The following SMAD2 variants were observed in gnomAD, a reference collection of about 807,000 sequenced individuals.
The protein encoded by SMAD2 is MAD homolog 2.
In SMAD2, 8 loss-of-function variants were observed where a neutral mutation model predicts 64.4. The ratio of observed to expected loss-of-function variants is 0.12; its 90% CI spans 0.07 to 0.22. The LOEUF (loss-of-function observed/expected upper bound fraction) is 0.22, where lower values mean the gene tolerates loss of function less well. Ranked by LOEUF, SMAD2 falls within the 10% of genes least tolerant of loss-of-function variation. The pLI, the probability that SMAD2 is intolerant of heterozygous loss-of-function variation, is 1.00. For missense variants in SMAD2, 289 were observed against 561.2 expected (o/e 0.51, Z 4.90); for synonymous variants, 203 against 195.8 (o/e 1.04, Z -0.31).
chr18:47,886,033 T>C (rs2144435200), intron 2 of SMAD2, among the ~76,000 whole-genome samples: 1 of 152,334 alleles, frequency 6.6e-6, no homozygotes, highest in South Asian at 2.1e-4. Context: ...TGCCATTTTA[T>C]ATAAGAGACT....
chr18:47,923,106 T>C (rs1048106937), intron 1 of SMAD2, among the ~76,000 whole-genome samples: 2 of 151,804 alleles, frequency 1.3e-5, no homozygotes, highest in African/African-American at 4.8e-5. Flanking sequence ...TAATGAGTTT[T>C]GTGGAATCCA....
intron 2 of SMAD2, among the ~76,000 whole-genome samples, chr18:47,876,672 A>G (rs2032281298): frequency 6.6e-6 from 1 of 152,074 alleles, no homozygotes; most frequent in African/African-American, 2.4e-5. Context: ...ATCCTTATCA[A>G]ATTTCCCTAG....
chr18:47,844,023 A>G (rs1914233156), intron 10 of SMAD2, among the ~76,000 whole-genome samples: 1 of 152,188 alleles, frequency 6.6e-6, no homozygotes. Flanking sequence ...TAATTTTGCT[A>G]TCAACTCAGG....
rs564461703 is a variant in SMAD2, at chr18:47,831,918, A to C, written c.*9909T>G. The C allele has an allele frequency of 1.1e-5, 1 of 93,990 alleles. No homozygotes were observed. The allele number at this position is 93,990 out of a possible 1,614,324, so 5.8% of individuals were successfully genotyped here. A position where few individuals can be genotyped will look rare whatever the true frequency, so the allele number is the denominator to read the frequency against. On this transcript the variant is annotated 3_prime_UTR_variant, in exon 11 of 11. Coordinates refer to ENST00000262160, the MANE Select transcript of SMAD2 (RefSeq NM_005901.6). ...AACTTATAATTTTTAGGTTGGGCTTACTATTTTGATGAGAAGGGTGAATCT... is the reference window on the plus strand; with the variant it reads ...AACTTATAATTTTTAGGTTGGGCTTCCTATTTTGATGAGAAGGGTGAATCT...
chr18:47,920,009 A>G (rs906793146), intron 1 of SMAD2: 3 of 152,242 alleles, frequency 2.0e-5, no homozygotes, highest in African/African-American at 7.2e-5. Context: ...TAGTCAGTTC[A>G]GGACGGTATA....
chr18:47,831,850 T>A lies in SMAD2; in HGVS notation c.*9977A>T, dbSNP rs984456185. ...TTATTGCAGCAAAAGATAATTTTTA[T>A]GTGTAAATTAGCTTTTTGGGTTTTT... is the stretch of plus-strand genomic sequence containing the variant. On this transcript the variant is annotated 3_prime_UTR_variant, in exon 11 of 11. Transcript: ENST00000262160. 1.3e-5 allele frequency: 2 copies of A among 152,242 alleles called. No homozygotes were observed. The allele number at this position is 152,242 out of a possible 1,614,324, so 9.4% of individuals were successfully genotyped here. A position where few individuals can be genotyped will look rare whatever the true frequency, so the allele number is the denominator to read the frequency against.
At chr18:47,904,748 T>C (rs767795108) in intron 1 of SMAD2, among the ~76,000 whole-genome samples, 4 of 152,206 alleles carry the variant, frequency 2.6e-5, no homozygotes, top group Admixed American at 6.5e-5. Flanking sequence ...ACCTCATTTA[T>C]AGTACAAAGG....
chr18:47,908,867 T>G (rs1049317702), intron 1 of SMAD2, among the ~76,000 whole-genome samples: 5 of 152,210 alleles, frequency 3.3e-5, no homozygotes, highest in African/African-American at 1.2e-4. Context: ...CCATGTGTAG[T>G]GCAATACCAT....
intron 6 of SMAD2, among the ~76,000 whole-genome samples, chr18:47,855,745 C>G (rs4357332): frequency 0.25 from 38,414 of 151,946 alleles, 5,983 homozygotes; most frequent in East Asian, 0.35. Flanking sequence ...CCTTGGCCTC[C>G]TGAGTAGCTG....
Position 47,820,829 on chromosome 18 carries a change from C to T in SMAD2, c.*20998G>A, listed in dbSNP as rs1912544059. ...GTACATATGTATATGTACAATAATACAGTATATTCTATACATATGCTATAT... is the reference window on the plus strand; with the variant it reads ...GTACATATGTATATGTACAATAATATAGTATATTCTATACATATGCTATAT... On this transcript the variant is annotated 3_prime_UTR_variant, in exon 11 of 11. Coordinates refer to ENST00000262160, the MANE Select transcript of SMAD2 (RefSeq NM_005901.6). 1 of 151,268 alleles carries T rather than the reference C, an allele frequency of 6.6e-6. No homozygotes were observed. The highest frequency in any genetic ancestry group is 1.5e-5 in the Non-Finnish European group (1 of 67,904). 9.4% of individuals were successfully genotyped at this position (151,268 alleles called of 1,614,324 possible).
rs1912205792 is a variant in SMAD2 at position 47,811,531 on chromosome 18, C to T, written c.*30296G>A. The stretch of plus-strand genomic sequence containing the variant: ...AATTCTGAAATCCACAGCAATGCTT[C>T]AGTGCTCCTAAGGGGCCGCTTTACT... On this transcript the variant is annotated 3_prime_UTR_variant, in exon 11 of 11. Transcript: ENST00000262160. 6.6e-6 allele frequency: 1 copy of T among 151,286 alleles called. No individual in the cohort carries two copies. The highest frequency in any genetic ancestry group is 1.5e-5 in the Non-Finnish European group (1 of 67,868). 9.4% of individuals were successfully genotyped at this position (151,286 alleles called of 1,614,324 possible).
In SMAD2 at chr18:47,815,616, C is replaced by T. The variant is rs942413977; in HGVS notation, c.*26211G>A. 22 of 152,182 alleles carry T rather than the reference C, an allele frequency of 1.4e-4. No individual in the cohort carries two copies. The highest frequency in any genetic ancestry group is 5.1e-4 in the African/African-American group (21 of 41,438). 9.4% of individuals were successfully genotyped at this position (152,182 alleles called of 1,614,324 possible). ...GTACAAAAACTGGCCTTGAATAAGACATCACTTCCTCCAAGTCTGAGTACA... is the reference window on the plus strand; with the variant it reads ...GTACAAAAACTGGCCTTGAATAAGATATCACTTCCTCCAAGTCTGAGTACA... On this transcript the variant is annotated 3_prime_UTR_variant, in exon 11 of 11. Transcript: ENST00000262160.
chr18:47,930,589 G>C lies in SMAD2; in HGVS notation c.-282C>G, dbSNP rs999572329. The C allele has an allele frequency of 4.0e-5, 6 of 150,068 alleles. No individual in the cohort carries two copies. Among genetic ancestry groups the C allele is most frequent in the Non-Finnish European group, 5.9e-5 (4 of 67,276 alleles). The allele number at this position is 150,068 out of a possible 1,614,324, so 9.3% of individuals were successfully genotyped here. On this transcript the variant is annotated 5_prime_UTR_variant, in exon 1 of 11. Transcript: ENST00000262160. ...GTAGGGGAAGAGAGGGGAGGGGAGG[G>C]GAGGAGAGGGAAGGGGAGGGGAGGG...
chr18:47,885,176 CACACACAT>C (rs1225095339), intron 2 of SMAD2, among the ~76,000 whole-genome samples: 13 of 141,774 alleles, frequency 9.2e-5, no homozygotes, highest in East Asian at 4.8e-4. Flanking sequence ...CACACACACA[CACACACAT>C]ATACCCTCCC....
At chr18:47,880,527 C>G (rs2144414837) in intron 2 of SMAD2, among the ~76,000 whole-genome samples, 1 of 152,310 alleles carries the variant, frequency 6.6e-6, no homozygotes, top group East Asian at 1.9e-4. Flanking sequence ...CAAGGTGAGT[C>G]TTGAAGTCAG....
intron 1 of SMAD2, among the ~76,000 whole-genome samples, chr18:47,905,459 A>C (rs1352458686): frequency 2.7e-5 from 4 of 146,242 alleles, no homozygotes; most frequent in African/African-American, 1.0e-4. Context: ...ATATGGAAAC[A>C]AAAAAAAAAA....
chr18:47,823,736 T>G lies in SMAD2; in HGVS notation c.*18091A>C, dbSNP rs537482740. 1 of 152,344 alleles carries G rather than the reference T, an allele frequency of 6.6e-6. No individual in the cohort carries two copies. The highest frequency in any genetic ancestry group is 2.4e-5 in the African/African-American group (1 of 41,578). 9.4% of individuals were successfully genotyped at this position (152,344 alleles called of 1,614,324 possible). ...AGAATTGTATTACAATTTGATTTAT[T>G]CAATTGGTTGCCTGTAAGCCTAGGT... On this transcript the variant is annotated 3_prime_UTR_variant, in exon 11 of 11. Transcript: ENST00000262160.
chr18:47,850,255 TTATG>T (rs1374444887), intron 7 of SMAD2, among the ~76,000 whole-genome samples: 1 of 80,644 alleles, frequency 1.2e-5, no homozygotes, highest in Admixed American at 2.3e-4. Context: ...ATTATATATA[TTATG>T]TATAATATAT....
chr18:47,864,048 A>C (rs1015665242), intron 6 of SMAD2, among the ~76,000 whole-genome samples: 1 of 152,132 alleles, frequency 6.6e-6, no homozygotes, highest in African/African-American at 2.4e-5. Flanking sequence ...TGTCACAGTA[A>C]CAGCTGTCCA....
Sources: allele counts gnomAD v4.1 joint callset (sites outside exome capture counted in the v4.1 genomes callset), GRCh38; gene constraint gnomAD v4.1.1; transcripts MANE v1.5; gene names NCBI Gene and HGNC (gene_info 2026-07-23, HGNC 2026-07-21).